The following COL6A1 variants were observed in gnomAD, a reference collection of about 807,000 sequenced individuals.
The protein encoded by COL6A1 is collagen type VI alpha 1 chain, also known as collagen alpha-1(VI) chain.
COL6A1 carries 80 observed loss-of-function variants against 145.6 expected under a neutral mutation model. That is an observed-to-expected ratio of 0.55 (90% CI 0.46 to 0.66). The LOEUF is 0.66. Among genes scored for constraint, COL6A1 ranks in the 30% least tolerant of loss-of-function variants. The pLI is 0.00. For missense variants in COL6A1, 1,364 were observed against 1,473.8 expected (o/e 0.93, Z 1.22); for synonymous variants, 638 against 622.8 (o/e 1.02, Z -0.36).
chr21:45,998,671 G>A (rs888049158), intron 24 of COL6A1, among the ~76,000 whole-genome samples: 5 of 152,184 alleles, frequency 3.3e-5, no homozygotes, highest in African/African-American at 4.8e-5. Context: ...CTGACTGCCC[G>A]GTGACCGATC....
At chr21:45,984,835 CAGACAGAGACAGAGAG>C (rs902409933) in intron 3 of COL6A1, among the ~76,000 whole-genome samples, 4 of 146,634 alleles carry the variant, frequency 2.7e-5, no homozygotes, top group Non-Finnish European at 6.0e-5. Context: ...CAGAGACAGG[CAGACAGAGACAGAGAG>C]AGACAGAGAC....
At position 46,003,013 on chromosome 21, in the gene COL6A1, C is replaced by T. The variant is rs963682720; in HGVS notation, c.2435-107C>T. 3.3e-5 allele frequency: 51 copies of T among 1,537,778 alleles called. No homozygotes were observed. The African/African-American group carries it at 4.2e-4, about 13-fold the overall frequency. The stretch of plus-strand genomic sequence containing the variant: ...CCTCCTCCCGGCTCGCTGTGACTTC[C>T]GGGGGCACGGCCACCCCTGTGCTCG... On this transcript the variant is annotated intron_variant, in intron 33 of 34. Transcript: ENST00000361866.
chr21:45,985,037 GAC>G (rs2077730614), intron 3 of COL6A1, among the ~76,000 whole-genome samples: 1 of 151,338 alleles, frequency 6.6e-6, no homozygotes. Flanking sequence ...GAGAAGCAGA[GAC>G]AGAGAAACAA....
intron 21 of COL6A1, 31 bp downstream of exon 21, chr21:45,997,514 A>AC: frequency 3.3e-6 from 5 of 1,509,308 alleles, no homozygotes; most frequent in Non-Finnish European, 4.4e-6. Flanking sequence ...ACACCCGCCC[A>AC]CCCAGGGGGG....
Position 45,987,789 on chromosome 21 carries a change from CG to C in COL6A1, c.804+140del, listed in dbSNP as rs66929103. ...GCGGGGGTCCAGATGGAGGGGACGGCGGGGGTCCAGATGGAGGGGACGGCGG... is the reference window on the plus strand; with the variant it reads ...GCGGGGGTCCAGATGGAGGGGACGGCGGGGTCCAGATGGAGGGGACGGCGG... On this transcript the variant is annotated intron_variant, in intron 8 of 34. Coordinates refer to ENST00000361866, the MANE Select transcript of COL6A1 (RefSeq NM_001848.3). The C allele has an allele frequency of 0.16, 53,340 of 326,092 alleles. 12,219 individuals are homozygous for C. Among genetic ancestry groups the C allele is most frequent in the African/African-American group, 0.35 (4,873 of 13,766 alleles). The allele number at this position is 326,092 out of a possible 1,614,324, so 20.2% of individuals were successfully genotyped here. A position where few individuals can be genotyped will look rare whatever the true frequency, so the allele number is the denominator to read the frequency against.
In COL6A1 at chr21:45,984,949, CAG is replaced by C. The variant is rs563248227; in HGVS notation, c.428+481_428+482del. Among the ~76,000 whole-genome samples, 22 of 144,564 alleles carry C rather than the reference CAG, an allele frequency of 1.5e-4. No homozygotes were observed. The East Asian group carries it at 3.8e-3, about 25-fold the overall frequency. 94.8% of individuals were successfully genotyped at this position (144,564 alleles called of 152,430 possible). A position where few individuals can be genotyped will look rare whatever the true frequency, so the allele number is the denominator to read the frequency against. On this transcript the variant is annotated intron_variant, in intron 3 of 34. Coordinates refer to ENST00000361866, the MANE Select transcript of COL6A1 (RefSeq NM_001848.3). ...ACAAACAGAGACAGAGAGACAGAAA[CAG>C]GGACAGAGACAGAAAGAGAGAGAGA...
intron 3 of COL6A1, among the ~76,000 whole-genome samples, chr21:45,986,052 C>T (rs2123465215): frequency 6.6e-6 from 1 of 152,346 alleles, no homozygotes; most frequent in Non-Finnish European, 1.5e-5. Context: ...CCTGCTGCTC[C>T]CACTTTCCCT....
At position 45,994,442 on chromosome 21, in the gene COL6A1, C is replaced by G. The variant is rs1358579987; in HGVS notation, c.1398+213C>G. Among the ~76,000 whole-genome samples, 1 of 151,832 alleles carries G rather than the reference C, an allele frequency of 6.6e-6. No homozygotes were observed. Among genetic ancestry groups the G allele is most frequent in the Non-Finnish European group, 1.5e-5 (1 of 67,962 alleles). ...TGTGGATTGTTGAGAGCAGGCCCAGCGCCCGGGGGCCTGACGCTGAGACGC... is the reference window on the plus strand; with the variant it reads ...TGTGGATTGTTGAGAGCAGGCCCAGGGCCCGGGGGCCTGACGCTGAGACGC... On this transcript the variant is annotated intron_variant, in intron 20 of 34. Transcript: ENST00000361866. This position sits in a 1 kb window ranked among gnomAD's most constrained non-coding sequence, Gnocchi z 6.8.
rs61388650 is a variant in COL6A1, at chr21:45,986,442, G to A, written c.429-84G>A. On this transcript the variant is annotated intron_variant, in intron 3 of 34. Coordinates refer to ENST00000361866, the MANE Select transcript of COL6A1 (RefSeq NM_001848.3). ...AGGCGGCTCCTCCCGGTGAGACAGG[G>A]ACCAGCACCTCCCGGACAGGCTTGG... 218 of 1,406,756 alleles carry A rather than the reference G, an allele frequency of 1.5e-4. No homozygotes were observed. The East Asian group carries it at 4.3e-3, about 28-fold the overall frequency. 87.1% of individuals were successfully genotyped at this position (1,406,756 alleles called of 1,614,324 possible). A position where few individuals can be genotyped will look rare whatever the true frequency, so the allele number is the denominator to read the frequency against.
At chr21:45,985,176 A>ACAGAGAGAAGCAGAGACAGACAGAGG (rs1451183884) in intron 3 of COL6A1, among the ~76,000 whole-genome samples, 1 of 45,770 alleles carries the variant, frequency 2.2e-5, no homozygotes, top group East Asian at 2.8e-3. Flanking sequence ...ACATACAGAG[A>ACAGAGAGAAGCAGAGACAGACAGAGG]CAGAGAGACA....
intron 26 of COL6A1, 75 bp from the exon 27 acceptor site, chr21:45,999,582 G>A: frequency 3.3e-6 from 5 of 1,521,826 alleles, no homozygotes; most frequent in Non-Finnish European, 4.5e-6. Context: ...GGCCCTGGGG[G>A]TGGGGGCTGT....
chr21:45,987,670 TG>T lies in COL6A1; in HGVS notation c.804+17del. The stretch of plus-strand genomic sequence containing the variant: ...CGGCTTTGAGGTGAGTGGTGACTCC[TG>T]CTCCTCCCATGTGTTGTGGGGCCTG... On this transcript the variant is annotated intron_variant, in intron 8 of 34. Transcript: ENST00000361866. 1 of 1,605,952 alleles carries T rather than the reference TG, an allele frequency of 6.2e-7. No individual in the cohort carries two copies.
chr21:45,998,168 C>T lies in COL6A1; in HGVS notation c.1572C>T (p.Phe524=), dbSNP rs758814561. The T allele has an allele frequency of 1.1e-5, 17 of 1,612,076 alleles. No individual in the cohort carries two copies. Among genetic ancestry groups the T allele is most frequent in the Non-Finnish European group, 1.4e-5 (16 of 1,179,686 alleles). ...AGNGTEGFPG[F]PGYPGNRGAP... ...ATGGCACCGAGGGCTTCCCCGGCTT[C>T]CCCGTAAGTGTCCGGAGGCTGAGCC... Residue 524 remains phenylalanine (F), a synonymous_variant, in exon 23 of 35, where the codon TTC becomes TTT. Coordinates refer to ENST00000361866, the MANE Select transcript of COL6A1 (RefSeq NM_001848.3).
In COL6A1 at chr21:45,994,994, G is replaced by A. The variant is rs2077797086; in HGVS notation, c.1398+765G>A. Among the ~76,000 whole-genome samples, 1 of 152,266 alleles carries A rather than the reference G, an allele frequency of 6.6e-6. No homozygotes were observed. Among genetic ancestry groups the A allele is most frequent in the Non-Finnish European group, 1.5e-5 (1 of 68,044 alleles). ...CACCGAGCACAAGGCCAGACCCTGGGCACGGCAGCTGTCTCAGACGTCCAG... is the reference window on the plus strand; with the variant it reads ...CACCGAGCACAAGGCCAGACCCTGGACACGGCAGCTGTCTCAGACGTCCAG... On this transcript the variant is annotated intron_variant, in intron 20 of 34. Coordinates refer to ENST00000361866, the MANE Select transcript of COL6A1 (RefSeq NM_001848.3). This position sits in a 1 kb window ranked among gnomAD's most constrained non-coding sequence, Gnocchi z 6.8.
At chr21:46,000,790 TGA>T (rs2077839765) in intron 29 of COL6A1, 23 bp downstream of exon 29, 2 of 1,613,694 alleles carry the variant, frequency 1.2e-6, no homozygotes, top group East Asian at 4.5e-5. Flanking sequence ...CTCTAGCTCC[TGA>T]GAGAATGGAT....
In COL6A1 at chr21:45,994,813, G is replaced by T. The variant is rs1169073866; in HGVS notation, c.1398+584G>T. On this transcript the variant is annotated intron_variant, in intron 20 of 34. Transcript: ENST00000361866. This position sits in a 1 kb window ranked among gnomAD's most constrained non-coding sequence, Gnocchi z 6.8. ...TCCAGTGTGGTGTTGCCCGCAGGCT[G>T]GGCTGGGCCGTTGCATCCTCCCGGA... Among the ~76,000 whole-genome samples, 3 of 152,214 alleles carry T rather than the reference G, an allele frequency of 2.0e-5. No homozygotes were observed. The highest frequency in any genetic ancestry group is 4.4e-5 in the Non-Finnish European group (3 of 68,044).
At chr21:45,990,034 G>A (rs1179715598) in intron 11 of COL6A1, among the ~76,000 whole-genome samples, 1 of 141,128 alleles carries the variant, frequency 7.1e-6, no homozygotes, top group Non-Finnish European at 1.6e-5. Context: ...GCGGAGCCGG[G>A]GGTCCCCCGG....
rs1282863497 is a variant in COL6A1, at chr21:46,003,565, G to A, written c.2639G>A (p.Gly880Asp). 1.2e-6 allele frequency: 2 copies of A among 1,612,478 alleles called. No homozygotes were observed. Among genetic ancestry groups the A allele is most frequent in the African/African-American group, 1.3e-5 (1 of 74,934 alleles). ...DVRVAVVQYS[G>D]TGQQRPERAS... ...CGGGTGGCGGTGGTGCAGTACAGCGGCACGGGCCAGCAGCGCCCAGAGCGG... is the reference window on the plus strand; with the variant it reads ...CGGGTGGCGGTGGTGCAGTACAGCGACACGGGCCAGCAGCGCCCAGAGCGG... The change falls in exon 35 of 35, where the codon GGC becomes GAC. Residue 880 changes from glycine to aspartate, a missense_variant. Coordinates refer to ENST00000361866, the MANE Select transcript of COL6A1 (RefSeq NM_001848.3).
At chr21:45,989,495 C>G (rs1026706900) in intron 9 of COL6A1, 113 bp from the exon 10 acceptor site, 5 of 1,091,554 alleles carry the variant, frequency 4.6e-6, no homozygotes, top group Non-Finnish European at 7.0e-6. Flanking sequence ...GCAGCAGGGC[C>G]CCTCTCTCGG....
Sources: gnomAD v4.1 joint callset for allele counts (sites outside exome capture counted in the v4.1 genomes callset) on GRCh38, gnomAD v4.1.1 for gene constraint, Gnocchi (gnomAD v3.1) non-coding constraint, MANE v1.5 for transcripts, NCBI Gene and HGNC (gene_info 2026-07-23, HGNC 2026-07-21) for gene names.